The following KCNQ3 variants were observed in gnomAD, a reference collection of about 807,000 sequenced individuals.
The protein encoded by KCNQ3 is potassium voltage-gated channel subfamily Q member 3, also known as potassium voltage-gated channel subfamily KQT member 3.
Under a neutral mutation model 92.5 loss-of-function variants are expected in KCNQ3, and 30 were observed. The observed-to-expected ratio is 0.32, with a 90% CI of 0.24 to 0.44. The LOEUF (loss-of-function observed/expected upper bound fraction) is 0.44, where lower values mean the gene tolerates loss of function less well. KCNQ3 is among the 20% of genes least tolerant of loss of function. The pLI is 1.00. For missense variants in KCNQ3, 913 were observed against 1,140.3 expected (o/e 0.80, Z 2.87); for synonymous variants, 450 against 468.8 (o/e 0.96, Z 0.52).
chr8:132,316,279 G>T (rs73710516), intron 1 of KCNQ3, among the ~76,000 whole-genome samples: 1 of 152,024 alleles, frequency 6.6e-6, no homozygotes, highest in Non-Finnish European at 1.5e-5. Context: ...CCTCCTCTCC[G>T]CTGAAGAGTT....
At chr8:132,186,028 C>T in intron 2 of KCNQ3, 63 bp downstream of exon 2, 3 of 1,276,016 alleles carry the variant, frequency 2.4e-6, no homozygotes, top group Admixed American at 1.7e-5. Context: ...CACCCAAGGG[C>T]AACCTCCTTT....
intron 1 of KCNQ3, among the ~76,000 whole-genome samples, chr8:132,230,284 A>G (rs558259963): frequency 6.6e-6 from 1 of 152,270 alleles, no homozygotes; most frequent in Non-Finnish European, 1.5e-5. Flanking sequence ...TTCCTAGGCC[A>G]AGATGAAAAA....
chr8:132,437,244 C>T (rs1821418918), intron 1 of KCNQ3, among the ~76,000 whole-genome samples: 1 of 150,402 alleles, frequency 6.6e-6, no homozygotes, highest in South Asian at 2.1e-4. Context: ...TGCGCCACTG[C>T]ACTCCAGCCT....
At chr8:132,141,781 C>T (rs886550842) in intron 9 of KCNQ3, among the ~76,000 whole-genome samples, 33 of 152,174 alleles carry the variant, frequency 2.2e-4, no homozygotes, top group African/African-American at 7.0e-4. Context: ...ACACAAATGA[C>T]GTAAAGCAGC....
At chr8:132,326,948 T>C (rs1013210408) in intron 1 of KCNQ3, among the ~76,000 whole-genome samples, 2 of 152,238 alleles carry the variant, frequency 1.3e-5, no homozygotes, top group Non-Finnish European at 2.9e-5. Flanking sequence ...TCTTTCCCTG[T>C]TTCATTTTCC....
chr8:132,198,527 C>T (rs928839648), intron 1 of KCNQ3, among the ~76,000 whole-genome samples: 7 of 152,160 alleles, frequency 4.6e-5, no homozygotes, highest in East Asian at 1.9e-4. Flanking sequence ...ACAGGAGTAA[C>T]GGCTGAGCAC....
intron 1 of KCNQ3, among the ~76,000 whole-genome samples, chr8:132,416,801 C>T (rs1028030482): frequency 1.3e-5 from 2 of 152,008 alleles, no homozygotes; most frequent in Non-Finnish European, 2.9e-5. Flanking sequence ...AAGGTGAGCT[C>T]GGAAGGCTGC....
chr8:132,322,293 T>C (rs891257299), intron 1 of KCNQ3, among the ~76,000 whole-genome samples: 3 of 152,130 alleles, frequency 2.0e-5, no homozygotes, highest in Non-Finnish European at 4.4e-5. Flanking sequence ...TATATGCAAA[T>C]GCCCCAGAGA....
At chr8:132,132,109 A>T (rs1824903814) in intron 14 of KCNQ3, 71 bp downstream of exon 14, 7 of 1,075,910 alleles carry the variant, frequency 6.5e-6, no homozygotes, top group Non-Finnish European at 8.6e-6. Flanking sequence ...AGAAAGAAAG[A>T]AAAAAAAGAA....
intron 1 of KCNQ3, among the ~76,000 whole-genome samples, chr8:132,388,089 CA>C (rs940814600): frequency 6.6e-6 from 1 of 151,788 alleles, no homozygotes; most frequent in Admixed American, 6.6e-5. Flanking sequence ...AAGGGTTAAA[CA>C]AGGAACATTT....
At chr8:132,382,068 C>G (rs188913155) in intron 1 of KCNQ3, among the ~76,000 whole-genome samples, 37 of 152,370 alleles carry the variant, frequency 2.4e-4, no homozygotes, top group African/African-American at 7.7e-4. Context: ...GGACTGCCTC[C>G]CAGGGCAGGC....
intron 1 of KCNQ3, among the ~76,000 whole-genome samples, chr8:132,449,460 C>G (rs1821771263): frequency 6.6e-6 from 1 of 152,066 alleles, no homozygotes; most frequent in Admixed American, 6.5e-5. Flanking sequence ...TCCAACCTCC[C>G]AGCAGGATGC....
At chr8:132,337,004 A>G (rs981935266) in intron 1 of KCNQ3, among the ~76,000 whole-genome samples, 1 of 152,246 alleles carries the variant, frequency 6.6e-6, no homozygotes, top group East Asian at 1.9e-4. Flanking sequence ...GGTAACAGGT[A>G]TGCCCAGAGA....
chr8:132,415,745 C>T (rs146217607), intron 1 of KCNQ3, among the ~76,000 whole-genome samples: 52 of 152,144 alleles, frequency 3.4e-4, no homozygotes, highest in African/African-American at 1.3e-3. Flanking sequence ...AAAAAAAAAG[C>T]TACTTAGGGA....
intron 1 of KCNQ3, among the ~76,000 whole-genome samples, chr8:132,376,544 G>GA (rs1364938756): frequency 1.3e-5 from 2 of 152,200 alleles, no homozygotes; most frequent in East Asian, 3.8e-4. Context: ...AACTGAGAGA[G>GA]AAAAGTGCCA....
chr8:132,373,094 C>G (rs1337485753), intron 1 of KCNQ3, among the ~76,000 whole-genome samples: 2 of 152,170 alleles, frequency 1.3e-5, no homozygotes, highest in African/African-American at 4.8e-5. Context: ...TCTCCCTGCG[C>G]TTTCCCAGCC....
intron 1 of KCNQ3, among the ~76,000 whole-genome samples, chr8:132,320,926 T>C (rs1485516704): frequency 4.6e-5 from 7 of 152,204 alleles, no homozygotes; most frequent in Admixed American, 3.9e-4. Context: ...TTTTCAGCTC[T>C]AGCTGCCCAC....
chr8:132,388,210 G>T (rs1819947613), intron 1 of KCNQ3, among the ~76,000 whole-genome samples: 1 of 152,104 alleles, frequency 6.6e-6, no homozygotes, highest in Middle Eastern at 3.2e-3. Context: ...AAAAGATTCT[G>T]GAAAAGAGGC....
intron 1 of KCNQ3, among the ~76,000 whole-genome samples, chr8:132,430,521 G>A (rs796933572): frequency 8.5e-5 from 13 of 152,276 alleles, no homozygotes; most frequent in African/African-American, 3.1e-4. Context: ...TCTCCTGTGT[G>A]AAATCAAGTG....
Sources: allele counts gnomAD v4.1 joint callset (sites outside exome capture counted in the v4.1 genomes callset), GRCh38; gene constraint gnomAD v4.1.1; transcripts MANE v1.5; gene names NCBI Gene and HGNC (gene_info 2026-07-23, HGNC 2026-07-21).